Variants in ZCCHC7 observed in about 807,000 individuals in gnomAD.
The protein encoded by ZCCHC7 is zinc finger CCHC domain-containing protein 7.
Under a neutral mutation model 52.0 loss-of-function variants are expected in ZCCHC7, and 35 were observed. The ratio of observed to expected loss-of-function variants is 0.67; its 90% CI spans 0.51 to 0.89. The LOEUF (loss-of-function observed/expected upper bound fraction) is 0.89. Ranked by LOEUF, ZCCHC7 falls within the 40% of genes least tolerant of loss-of-function variation. ZCCHC7 has a pLI of 0.00. For synonymous variants in ZCCHC7, 217 were observed against 221.5 expected (o/e 0.98, Z 0.18); for missense variants, 574 against 649.1 (o/e 0.88, Z 1.26).
chr9:37,272,129 A>G (rs1012475198), intron 2 of ZCCHC7, among the ~76,000 whole-genome samples: 6 of 152,188 alleles, frequency 3.9e-5, no homozygotes, highest in Non-Finnish European at 7.4e-5. Flanking sequence ...GTCATTAATG[A>G]TTTTATCTAC....
At chr9:37,277,891 T>C (rs978230093) in intron 2 of ZCCHC7, among the ~76,000 whole-genome samples, 5 of 151,894 alleles carry the variant, frequency 3.3e-5, no homozygotes, top group Non-Finnish European at 7.4e-5. Context: ...AATCCAAAAT[T>C]ACCAGATATA....
At chr9:37,214,345 TAGAA>T (rs1330421206) in intron 2 of ZCCHC7, among the ~76,000 whole-genome samples, 1 of 152,092 alleles carries the variant, frequency 6.6e-6, no homozygotes. Flanking sequence ...TCTAGATACA[TAGAA>T]AGGGACATAC....
intron 2 of ZCCHC7, among the ~76,000 whole-genome samples, chr9:37,193,314 G>T (rs946575783): frequency 3.3e-5 from 5 of 151,810 alleles, no homozygotes; most frequent in African/African-American, 9.7e-5. Flanking sequence ...AATTTCTGAC[G>T]GTTATTAGTA....
intron 2 of ZCCHC7, among the ~76,000 whole-genome samples, chr9:37,257,437 A>G (rs1026356892): frequency 2.6e-5 from 4 of 152,212 alleles, no homozygotes; most frequent in African/African-American, 7.2e-5. Context: ...TCAAAACAAC[A>G]TATCACAGCA....
intron 2 of ZCCHC7, among the ~76,000 whole-genome samples, chr9:37,183,112 T>C (rs1291525855): frequency 6.6e-6 from 1 of 152,222 alleles, no homozygotes; most frequent in Non-Finnish European, 1.5e-5. Flanking sequence ...ATATATTCTA[T>C]CAAAAATTAT....
chr9:37,302,670 T>G (rs906168622), intron 3 of ZCCHC7, among the ~76,000 whole-genome samples: 3 of 152,376 alleles, frequency 2.0e-5, no homozygotes, highest in Middle Eastern at 3.4e-3. Context: ...TACTTACATG[T>G]GGTCCACTTG....
At chr9:37,267,233 G>C (rs1467833929) in intron 2 of ZCCHC7, among the ~76,000 whole-genome samples, 1 of 152,172 alleles carries the variant, frequency 6.6e-6, no homozygotes, top group Non-Finnish European at 1.5e-5. Context: ...TAAGGATTAA[G>C]GTGAGATGAA....
intron 2 of ZCCHC7, among the ~76,000 whole-genome samples, chr9:37,279,257 A>T (rs1358842698): frequency 6.6e-6 from 1 of 152,128 alleles, no homozygotes; most frequent in Non-Finnish European, 1.5e-5. Flanking sequence ...TATAATACAT[A>T]TGGCAACTAT....
At chr9:37,279,635 G>A (rs969020742) in intron 2 of ZCCHC7, among the ~76,000 whole-genome samples, 7 of 151,720 alleles carry the variant, frequency 4.6e-5, no homozygotes, top group African/African-American at 1.5e-4. Flanking sequence ...AAGGCAGGAG[G>A]ATCCTTTAAG....
intron 8 of ZCCHC7, 62 bp from the exon 9 acceptor site, chr9:37,356,773 A>G (rs1255955310): frequency 1.2e-5 from 17 of 1,444,546 alleles, no homozygotes; most frequent in Non-Finnish European, 1.6e-5. Context: ...ATTTACACTT[A>G]GGAAAGCTCA....
chr9:37,230,574 TAGC>T, intron 2 of ZCCHC7, among the ~76,000 whole-genome samples: 1 of 152,290 alleles, frequency 6.6e-6, no homozygotes, highest in African/African-American at 2.4e-5. Flanking sequence ...GTTAGGTTGG[TAGC>T]AGCTTTTCTT....
intron 2 of ZCCHC7, among the ~76,000 whole-genome samples, chr9:37,197,646 A>G (rs1442812186): frequency 6.6e-6 from 1 of 152,200 alleles, no homozygotes; most frequent in Non-Finnish European, 1.5e-5. Context: ...AGAATGTAAA[A>G]CAATCCATCC....
At chr9:37,127,822 G>C (rs1018099629) in intron 2 of ZCCHC7, among the ~76,000 whole-genome samples, 1 of 152,150 alleles carries the variant, frequency 6.6e-6, no homozygotes, top group Non-Finnish European at 1.5e-5. Flanking sequence ...CCTGGGATTG[G>C]CAAATGTTTT....
chr9:37,197,568 TTTCA>T (rs1823354285), intron 2 of ZCCHC7, among the ~76,000 whole-genome samples: 2 of 152,206 alleles, frequency 1.3e-5, no homozygotes, highest in South Asian at 4.1e-4. Context: ...AGTGTTATGA[TTTCA>T]GAGATGTAGA....
chr9:37,280,528 T>C (rs1005502858), intron 2 of ZCCHC7, among the ~76,000 whole-genome samples: 8 of 152,114 alleles, frequency 5.3e-5, no homozygotes, highest in Non-Finnish European at 1.0e-4. Context: ...TAGACTTTGT[T>C]CTTTGATCAT....
intron 2 of ZCCHC7, among the ~76,000 whole-genome samples, chr9:37,217,870 G>A (rs954289773): frequency 1.8e-4 from 27 of 152,264 alleles, no homozygotes; most frequent in Middle Eastern, 3.4e-3. Flanking sequence ...AAATGTGCCA[G>A]TTTTCTCTTC....
chr9:37,289,711 T>C (rs750727606), intron 2 of ZCCHC7, among the ~76,000 whole-genome samples: 1 of 152,230 alleles, frequency 6.6e-6, no homozygotes, highest in Non-Finnish European at 1.5e-5. Context: ...TTTGTTTCAC[T>C]CAGAGTAAAA....
intron 1 of ZCCHC7, among the ~76,000 whole-genome samples, chr9:37,122,790 A>G (rs576768364): frequency 3.3e-5 from 5 of 152,162 alleles, no homozygotes; most frequent in Non-Finnish European, 7.3e-5. Flanking sequence ...TACAAAAATT[A>G]CCCAGGCGTG....
intron 2 of ZCCHC7, among the ~76,000 whole-genome samples, chr9:37,252,095 A>G (rs1826358885): frequency 1.3e-5 from 2 of 152,282 alleles, no homozygotes; most frequent in South Asian, 2.1e-4. Context: ...GGTATAAACT[A>G]TACCAAATTT....
Sources: gnomAD v4.1 joint callset for allele counts (sites outside exome capture counted in the v4.1 genomes callset) on GRCh38, gnomAD v4.1.1 for gene constraint, MANE v1.5 for transcripts, NCBI Gene and HGNC (gene_info 2026-07-23, HGNC 2026-07-21) for gene names.